The following LRTM3 variants were observed in gnomAD, a reference collection of about 807,000 sequenced individuals.
The protein encoded by LRTM3 is leucine rich repeat transmembrane protein 3.
the LRTM3 span, chr13:102,743,170 A>T: frequency 1.3e-6 from 2 of 1,550,558 alleles, no homozygotes; most frequent in South Asian, 2.4e-5. Flanking sequence ...CACTTTCTCT[A>T]TCATGTAGTT....
chr13:102,748,211 G>A, the LRTM3 span: 5 of 1,551,112 alleles, frequency 3.2e-6, no homozygotes, highest in Non-Finnish European at 4.4e-6. Flanking sequence ...ATGCATATTT[G>A]TTATGTTACT....
the LRTM3 span, chr13:102,741,803 G>C: frequency 6.5e-7 from 1 of 1,550,320 alleles, no homozygotes; most frequent in South Asian, 1.2e-5. Context: ...TGCTCTTTGT[G>C]CAATGAGGAA....
At chr13:102,757,880 A>G in the LRTM3 span, among the ~76,000 whole-genome samples, 5 of 152,210 alleles carry the variant, frequency 3.3e-5, no homozygotes, top group Admixed American at 2.0e-4. Flanking sequence ...CGTCCACTAT[A>G]TTGTAGATAT....
chr13:102,732,516 C>T, the LRTM3 span: 5 of 1,551,174 alleles, frequency 3.2e-6, no homozygotes, highest in Non-Finnish European at 1.7e-6. Flanking sequence ...GAATCCAGAA[C>T]ATTTCTTTGA....
chr13:102,733,758 C>T, the LRTM3 span: 2 of 1,551,328 alleles, frequency 1.3e-6, no homozygotes, highest in African/African-American at 1.4e-5. Flanking sequence ...TTCAAATCTT[C>T]TTCTGACCTG....
the LRTM3 span, chr13:102,746,084 T>C: frequency 5.8e-6 from 9 of 1,551,144 alleles, no homozygotes; most frequent in Non-Finnish European, 7.8e-6. Context: ...TTTTTGTAGT[T>C]CTTCAGCTTC....
At chr13:102,743,876 G>C in the LRTM3 span, 2 of 1,550,588 alleles carry the variant, frequency 1.3e-6, no homozygotes, top group South Asian at 1.2e-5. Context: ...TTTAGAGTCA[G>C]ATAAAACAGG....
At chr13:102,757,798 A>G in the LRTM3 span, among the ~76,000 whole-genome samples, 1 of 152,216 alleles carries the variant, frequency 6.6e-6, no homozygotes, top group Non-Finnish European at 1.5e-5. Flanking sequence ...TCCTGTATGT[A>G]TACATCTTCT....
At chr13:102,750,267 C>T in the LRTM3 span, 1 of 1,551,076 alleles carries the variant, frequency 6.4e-7, no homozygotes, top group Non-Finnish European at 8.7e-7. Context: ...ACTTGATCTT[C>T]ACTTTCACTA....
At chr13:102,750,573 G>A in the LRTM3 span, among the ~76,000 whole-genome samples, 4 of 151,966 alleles carry the variant, frequency 2.6e-5, no homozygotes, top group East Asian at 3.9e-4. Context: ...TAAACTAATC[G>A]ACGGAAAAAG....
the LRTM3 span, chr13:102,737,395 C>A: frequency 1.3e-6 from 2 of 1,550,910 alleles, no homozygotes; most frequent in Middle Eastern, 1.7e-4. Context: ...ACTCAGAAGG[C>A]AAATGTAGGA....
chr13:102,738,150 A>T, the LRTM3 span: 4 of 1,550,846 alleles, frequency 2.6e-6, no homozygotes, highest in Non-Finnish European at 3.5e-6. Flanking sequence ...AGGTCCTGTG[A>T]AAGTGCCTTC....
At chr13:102,733,629 T>G in the LRTM3 span, 1 of 1,551,372 alleles carries the variant, frequency 6.4e-7, no homozygotes, top group Non-Finnish European at 8.7e-7. Flanking sequence ...GTTTCTGTTT[T>G]GTATTTTACA....
the LRTM3 span, chr13:102,742,383 A>T: frequency 6.5e-7 from 1 of 1,546,522 alleles, no homozygotes; most frequent in Non-Finnish European, 8.7e-7. Flanking sequence ...GGATTAGGAT[A>T]ACTCCAGATA....
the LRTM3 span, chr13:102,742,316 T>A: frequency 2.6e-6 from 4 of 1,549,574 alleles, no homozygotes; most frequent in African/African-American, 4.1e-5. Context: ...ACTTTCCACA[T>A]CTGCTGTCTT....
the LRTM3 span, chr13:102,749,893 T>C: frequency 6.4e-7 from 1 of 1,551,488 alleles, no homozygotes; most frequent in Admixed American, 2.0e-5. Flanking sequence ...GATAAGTAGT[T>C]CTGCTCCCTA....
the LRTM3 span, chr13:102,740,472 G>A: frequency 1.9e-6 from 3 of 1,550,014 alleles, no homozygotes; most frequent in Non-Finnish European, 2.6e-6. Flanking sequence ...TACTTTTGAG[G>A]GCAAGATATA....
chr13:102,743,275 T>G, the LRTM3 span: 3 of 1,550,666 alleles, frequency 1.9e-6, no homozygotes, highest in African/African-American at 1.4e-5. Flanking sequence ...GTGTTGGTTG[T>G]GTATGACTTA....
chr13:102,740,135 A>G, the LRTM3 span: 3 of 1,547,824 alleles, frequency 1.9e-6, no homozygotes, highest in East Asian at 7.3e-5. Context: ...TTGTGTTTCT[A>G]TCTTCTTCCC....
Sources: allele counts gnomAD v4.1 joint callset (sites outside exome capture counted in the v4.1 genomes callset), GRCh38; gene constraint gnomAD v4.1.1; transcripts MANE v1.5; gene names NCBI Gene and HGNC (gene_info 2026-07-23, HGNC 2026-07-21).